FBN2: variants seen among roughly 807,000 people sequenced by gnomAD.
FBN2 encodes the protein fibrillin 2.
A neutral mutation model predicts 355.6 loss-of-function variants in FBN2; 105 were observed. The ratio of observed to expected loss-of-function variants is 0.30; its 90% CI spans 0.25 to 0.35. The LOEUF (loss-of-function observed/expected upper bound fraction) is 0.35, where lower values mean the gene tolerates loss of function less well. Ranked by LOEUF, FBN2 falls within the 10% of genes least tolerant of loss-of-function variation. The pLI is 1.00. For missense variants in FBN2, 3,280 were observed against 3,758.7 expected, an observed-to-expected ratio of 0.87 and a Z score of 3.33; for synonymous variants, 1,350 against 1,301.2, an observed-to-expected ratio of 1.04 and a Z score of -0.81.
intron 20 of FBN2, among the ~76,000 whole-genome samples, chr5:128,353,039 G>A (rs1159315509): frequency 6.6e-6 from 1 of 152,028 alleles, no homozygotes; most frequent in Non-Finnish European, 1.5e-5. Flanking sequence ...TGGGAGTGAT[G>A]GCACATGCCT....
Position 128,272,024 on chromosome 5 carries a change from C to T in FBN2, c.7935G>A (p.Gln2645=), listed in dbSNP as rs766348800. Residue 2645 remains glutamine (Q), a synonymous_variant, in exon 62 of 65, where the codon CAG becomes CAA. Coordinates refer to ENST00000262464, the MANE Select transcript of FBN2 (RefSeq NM_001999.4). ...CGACACACTGATTCCACTGGTAGTG[C>T]TGGATGTAGCCTTGGGGGCAGCCAC... ...YRCGCPQGYI[Q]HYQWNQCVDE... is the part of the protein sequence containing the mutation. 3 of 1,613,932 alleles carry T rather than the reference C, an allele frequency of 1.9e-6. 1 individual carries two copies. In the South Asian group the frequency reaches 3.3e-5, roughly 18 times the overall value.
At chr5:128,382,632 A>C (rs994762714) in intron 11 of FBN2, among the ~76,000 whole-genome samples, 1 of 152,002 alleles carries the variant, frequency 6.6e-6, no homozygotes, top group African/African-American at 2.4e-5. Flanking sequence ...TTTCCTCCCA[A>C]TCTGCACCTT....
intron 8 of FBN2, among the ~76,000 whole-genome samples, chr5:128,407,075 A>G (rs1752945516): frequency 6.6e-6 from 1 of 152,230 alleles, no homozygotes; most frequent in African/African-American, 2.4e-5. Flanking sequence ...GCAGGCTGTT[A>G]GCATGACAGT....
chr5:128,334,665 T>C, intron 31 of FBN2, 54 bp downstream of exon 31: 1 of 1,600,678 alleles, frequency 6.2e-7, no homozygotes, highest in Non-Finnish European at 8.6e-7. Context: ...TGTTGAAAGT[T>C]GGCCTTTGAC....
chr5:128,467,551 G>C (rs1754744744), intron 5 of FBN2, among the ~76,000 whole-genome samples: 5 of 152,004 alleles, frequency 3.3e-5, no homozygotes, highest in Non-Finnish European at 7.4e-5. Context: ...ATGGACAAAA[G>C]AGTCCTTAAA....
chr5:128,393,530 A>C (rs1201734709), intron 9 of FBN2, among the ~76,000 whole-genome samples, 162 bp from the exon 10 acceptor site: 1 of 152,250 alleles, frequency 6.6e-6, no homozygotes, highest in Non-Finnish European at 1.5e-5. Context: ...CAGTAGCAAG[A>C]AAAAGATATA....
chr5:128,299,878 A>G (rs1470697926), intron 48 of FBN2, among the ~76,000 whole-genome samples: 3 of 151,932 alleles, frequency 2.0e-5, no homozygotes, highest in African/African-American at 7.2e-5. Flanking sequence ...CTTCTCACTG[A>G]GATGATTCTA....
intron 48 of FBN2, among the ~76,000 whole-genome samples, chr5:128,293,457 A>C (rs531273906): frequency 2.0e-5 from 3 of 152,140 alleles, no homozygotes; most frequent in Non-Finnish European, 4.4e-5. Flanking sequence ...ATGCCACTGC[A>C]CTCCAGCCTG....
intron 33 of FBN2, among the ~76,000 whole-genome samples, 171 bp from the exon 34 acceptor site, chr5:128,328,992 T>G (rs1750625594): frequency 1.3e-5 from 2 of 152,176 alleles, no homozygotes; most frequent in African/African-American, 2.4e-5. Flanking sequence ...GAAAATCTAT[T>G]TATCTTGCCC....
intron 48 of FBN2, among the ~76,000 whole-genome samples, chr5:128,293,422 G>T (rs2126824056): frequency 6.6e-6 from 1 of 152,152 alleles, no homozygotes; most frequent in East Asian, 1.9e-4. Context: ...AACCCAGGAG[G>T]TGGGGGTTGC....
chr5:128,360,694 G>A (rs559851864), intron 19 of FBN2, among the ~76,000 whole-genome samples: 4 of 151,730 alleles, frequency 2.6e-5, no homozygotes, highest in Non-Finnish European at 4.4e-5. Flanking sequence ...TTGTTCTATA[G>A]TCCTAACTGG....
chr5:128,354,663 T>C (rs1251842454), intron 20 of FBN2, among the ~76,000 whole-genome samples: 2 of 152,082 alleles, frequency 1.3e-5, no homozygotes, highest in East Asian at 1.9e-4. Flanking sequence ...GTGCAATCAA[T>C]AGGTTTGCTG....
intron 27 of FBN2, 115 bp from the exon 28 acceptor site, chr5:128,336,228 G>A: frequency 1.1e-5 from 11 of 1,003,436 alleles, no homozygotes; most frequent in South Asian, 2.5e-5. Context: ...TCACGAGGAA[G>A]TAAAATGTTC....
At chr5:128,277,437 G>A (rs1261436371) in intron 58 of FBN2, among the ~76,000 whole-genome samples, 1 of 152,120 alleles carries the variant, frequency 6.6e-6, no homozygotes, top group Non-Finnish European at 1.5e-5. Flanking sequence ...AGAGAAACAT[G>A]GAAAACATTC....
rs1431681762 is a variant in FBN2 at position 128,361,010 on chromosome 5, T to C, written c.2554+713A>G. On this transcript the variant is annotated intron_variant, in intron 19 of 64. Transcript: ENST00000262464. ...TCATACCACAGATTATTCTGAAATA[T>C]ACAGTACTTTGATCAAGATACAAAA... is the stretch of plus-strand genomic sequence containing the variant. 5.3e-5 allele frequency among the ~76,000 whole-genome samples: 8 copies of C among 152,176 alleles called. 1 individual carries two copies. The highest frequency in any genetic ancestry group is 8.8e-5 in the Non-Finnish European group (6 of 68,014).
rs999109767 is a variant in FBN2, at chr5:128,274,875, G to A, written c.7595-192C>T. Among the ~76,000 whole-genome samples the A allele has an allele frequency of 2.6e-5, 4 of 152,120 alleles. No homozygotes were observed. In the South Asian group the frequency reaches 6.2e-4, roughly 24 times the overall value. On this transcript the variant is annotated intron_variant, in intron 59 of 64. Coordinates refer to ENST00000262464, the MANE Select transcript of FBN2 (RefSeq NM_001999.4). ...CATATTTAAGCAGAATAAATATTAC[G>A]GGCTAGGATGATAGGACAATTAAGG...
chr5:128,280,143 G>C (rs764384815), intron 56 of FBN2, 49 bp downstream of exon 56: 23 of 1,514,724 alleles, frequency 1.5e-5, no homozygotes, highest in Non-Finnish European at 2.1e-5. Flanking sequence ...ATGACATCAT[G>C]AACAGATGTT....
At chr5:128,377,963 T>C (rs1752126528) in intron 12 of FBN2, 86 bp from the exon 13 acceptor site, 4 of 1,342,534 alleles carry the variant, frequency 3.0e-6, no homozygotes, top group Admixed American at 1.7e-5. Flanking sequence ...ATTTTAAATA[T>C]TCAAAATCAT....
At chr5:128,533,350 T>A (rs77991939) in intron 2 of FBN2, among the ~76,000 whole-genome samples, 1 of 152,184 alleles carries the variant, frequency 6.6e-6, no homozygotes. Context: ...GGCATTTACC[T>A]GTCGTGGATA....
Sources: gnomAD v4.1 joint callset for allele counts (sites outside exome capture counted in the v4.1 genomes callset) on GRCh38, gnomAD v4.1.1 for gene constraint, MANE v1.5 for transcripts, NCBI Gene and HGNC (gene_info 2026-07-23, HGNC 2026-07-21) for gene names.